The following CALM2 variants were observed in gnomAD, a reference collection of about 807,000 sequenced individuals.
The protein encoded by CALM2 is calmodulin-2.
Under a neutral mutation model 19.8 loss-of-function variants are expected in CALM2, and 2 were observed. The observed-to-expected ratio is 0.10, with a 90% CI of 0.04 to 0.32. The LOEUF is 0.32. Among genes scored for constraint, CALM2 ranks in the 10% least tolerant of loss-of-function variants. The pLI is 1.00. For synonymous variants in CALM2, 51 were observed against 52.1 expected (o/e 0.98, Z 0.09); for missense variants, 38 against 178.7 (o/e 0.21, Z 4.49).
At chr2:47,160,850 C>CAAAAAAAAAA (rs55773607) in intron 5 of CALM2, 46 bp from the exon 6 acceptor site, 8 of 372,012 alleles carry the variant, frequency 2.2e-5, no homozygotes, top group African/African-American at 9.4e-5. Flanking sequence ...AGCAAAAGAC[C>CAAAAAAAAAA]AAAAAAAAAA....
chr2:47,160,946 G>C, intron 5 of CALM2, 142 bp from the exon 6 acceptor site: 1 of 543,220 alleles, frequency 1.8e-6, no homozygotes, highest in Non-Finnish European at 3.3e-6. Flanking sequence ...AGTACAGAGG[G>C]AAGCTAGTTT....
intron 2 of CALM2, among the ~76,000 whole-genome samples, chr2:47,165,194 A>C (rs1275597857): frequency 1.3e-5 from 2 of 152,228 alleles, no homozygotes; most frequent in African/African-American, 4.8e-5. Context: ...GCATGCTTCA[A>C]TGTGAAGCCA....
At chr2:47,162,474 A>G in intron 3 of CALM2, 45 bp downstream of exon 3, 1 of 1,612,186 alleles carries the variant, frequency 6.2e-7, no homozygotes, top group Non-Finnish European at 8.5e-7. Context: ...ACATCTAAGT[A>G]TCACTTCTTC....
At chr2:47,176,110 T>G (rs1666858533) in intron 1 of CALM2, 1 of 361,950 alleles carries the variant, frequency 2.8e-6, no homozygotes, top group Non-Finnish European at 5.0e-6. Flanking sequence ...GCTCCCTCTC[T>G]CCCTTCCTTC....
Position 47,162,171 on chromosome 2 carries a change from C to CAAA in CALM2, c.285+112_285+114dup, listed in dbSNP as rs56839340. 7.8e-3 allele frequency: 1,013 copies of CAAA among 129,932 alleles called. 12 individuals carry two copies. The highest frequency in any genetic ancestry group is 0.013 in the African/African-American group (219 of 16,238). 8.0% of individuals were successfully genotyped at this position (129,932 alleles called of 1,614,324 possible). On this transcript the variant is annotated intron_variant, in intron 4 of 5. Coordinates refer to ENST00000272298, the MANE Select transcript of CALM2 (RefSeq NM_001743.6). Reference sequence around the variant, plus strand: ...TAATTAAAATATGTTGGTAAATCATCAAAAAAAAAAAAAAAAAAAAAAAAA... The same window carrying CAAA: ...TAATTAAAATATGTTGGTAAATCATCAAAAAAAAAAAAAAAAAAAAAAAAAAAA...
upstream of CALM2, chr2:47,176,810 G>T (rs1322259985): frequency 7.1e-6 from 7 of 985,302 alleles, no homozygotes; most frequent in African/African-American, 1.7e-5. Context: ...TGCGTCCCCC[G>T]TTGGTCGTTG....
chr2:47,174,773 C>T (rs1226047518), intron 1 of CALM2, among the ~76,000 whole-genome samples: 2 of 152,030 alleles, frequency 1.3e-5, no homozygotes. Flanking sequence ...GCTTACTCCA[C>T]AACTTGTAAT....
At chr2:47,164,470 G>A (rs1464192274) in intron 2 of CALM2, among the ~76,000 whole-genome samples, 10 of 151,710 alleles carry the variant, frequency 6.6e-5, no homozygotes, top group African/African-American at 1.2e-4. Context: ...GGCGGCGTGC[G>A]CCTGTAGTCC....
intron 1 of CALM2, chr2:47,171,705 G>A (rs2103846602): frequency 6.6e-6 from 1 of 152,288 alleles, no homozygotes; most frequent in South Asian, 2.1e-4. Context: ...GGGGTATTGA[G>A]AAGCACAGAC....
intron 5 of CALM2, 71 bp downstream of exon 5, chr2:47,161,652 A>G: frequency 7.1e-7 from 1 of 1,413,492 alleles, no homozygotes; most frequent in East Asian, 2.4e-5. Context: ...AATTTCGATC[A>G]GTTCCCTAAC....
At chr2:47,160,945 G>A in intron 5 of CALM2, 141 bp from the exon 6 acceptor site, 2 of 546,358 alleles carry the variant, frequency 3.7e-6, no homozygotes, top group Non-Finnish European at 6.5e-6. Flanking sequence ...AAGTACAGAG[G>A]GAAGCTAGTT....
At chr2:47,167,723 AAAAAAT>A (rs1666526423) in intron 2 of CALM2, 2 of 135,744 alleles carry the variant, frequency 1.5e-5, no homozygotes, top group Middle Eastern at 3.9e-3. Context: ...AAAAAAAAAA[AAAAAAT>A]TTAGTAACTT....
chr2:47,165,011 T>G (rs1369901324), intron 2 of CALM2, among the ~76,000 whole-genome samples: 1 of 152,224 alleles, frequency 6.6e-6, no homozygotes, highest in African/African-American at 2.4e-5. Context: ...GAAACCTTAG[T>G]TATATTTTAA....
At chr2:47,168,801 A>G (rs1479590998) in intron 2 of CALM2, among the ~76,000 whole-genome samples, 1 of 151,716 alleles carries the variant, frequency 6.6e-6, no homozygotes, top group Non-Finnish European at 1.5e-5. Flanking sequence ...TTTTTGAGGC[A>G]AAGTCTCGCT....
chr2:47,176,523 T>G (rs769308218), upstream of CALM2: 40 of 1,593,552 alleles, frequency 2.5e-5, 1 homozygote, highest in African/African-American at 4.6e-4. Context: ...ATTCGCCTCC[T>G]CCGCCCCCAG....
rs111282860 is a variant in CALM2 at position 47,176,310 on chromosome 2, C to T, written c.3+131G>A. 182 of 1,164,022 alleles carry T rather than the reference C, an allele frequency of 1.6e-4. No homozygotes were observed. The African/African-American group carries it at 2.5e-3, about 16-fold the overall frequency. 72.1% of individuals were successfully genotyped at this position (1,164,022 alleles called of 1,614,324 possible). ...CAACCGTCGCCGGCATCCCTGGCCT[C>T]TTTCGCGCCATCCCTCTGGCAGAAA... is the stretch of plus-strand genomic sequence containing the variant. On this transcript the variant is annotated intron_variant, in intron 1 of 5. Transcript: ENST00000272298.
intron 1 of CALM2, among the ~76,000 whole-genome samples, chr2:47,175,219 A>G (rs1438479159): frequency 1.3e-5 from 2 of 151,832 alleles, no homozygotes; most frequent in African/African-American, 2.4e-5. Context: ...ATACAAACGA[A>G]GTGTACGTCA....
intron 2 of CALM2, 81 bp from the exon 3 acceptor site, chr2:47,162,743 G>A: frequency 1.7e-6 from 2 of 1,193,626 alleles, no homozygotes; most frequent in Non-Finnish European, 1.2e-6. Context: ...AACTCTTAAA[G>A]CCTACTCAGT....
chr2:47,167,831 G>C (rs1187710364), intron 2 of CALM2: 1 of 74,508 alleles, frequency 1.3e-5, no homozygotes, highest in Non-Finnish European at 2.2e-5. Context: ...ACAGGGTCTT[G>C]CTGTGTTGCC....
Sources: allele counts gnomAD v4.1 joint callset (sites outside exome capture counted in the v4.1 genomes callset), GRCh38; gene constraint gnomAD v4.1.1; transcripts MANE v1.5; gene names NCBI Gene and HGNC (gene_info 2026-07-23, HGNC 2026-07-21).